The following PLXNA4 variants were observed in gnomAD, a reference collection of about 807,000 sequenced individuals.
The protein encoded by PLXNA4 is plexin-A4.
Under a neutral mutation model 191.8 loss-of-function variants are expected in PLXNA4, and 44 were observed. That is an observed-to-expected ratio of 0.23 (90% CI 0.18 to 0.29). The LOEUF is 0.29. PLXNA4 is among the 10% of genes least tolerant of loss of function. The pLI is 1.00. For synonymous variants in PLXNA4, 1,082 were observed against 1,009.5 expected (o/e 1.07, Z -1.36); for missense variants, 1,800 against 2,488.8 (o/e 0.72, Z 5.89).
intron 1 of PLXNA4, among the ~76,000 whole-genome samples, chr7:132,564,547 C>T (rs936616629): frequency 1.3e-5 from 2 of 152,134 alleles, no homozygotes; most frequent in Non-Finnish European, 2.9e-5. Flanking sequence ...TCTATTCCCA[C>T]GTATGTTGTG....
intron 20 of PLXNA4, among the ~76,000 whole-genome samples, chr7:132,176,103 G>C (rs1397524622): frequency 2.6e-5 from 4 of 152,152 alleles, no homozygotes; most frequent in Non-Finnish European, 5.9e-5. Context: ...GTTGGGTGGA[G>C]CTCCACCCAG....
intron 21 of PLXNA4, 30 bp from the exon 22 acceptor site, chr7:132,168,602 A>T (rs1796192137): frequency 6.5e-7 from 1 of 1,539,492 alleles, no homozygotes; most frequent in Non-Finnish European, 8.8e-7. Context: ...TCGTGATGCC[A>T]TTGGCAGGTT....
intron 3 of PLXNA4, among the ~76,000 whole-genome samples, chr7:132,459,077 A>G (rs1391802311): frequency 8.5e-5 from 13 of 152,260 alleles, no homozygotes; most frequent in Non-Finnish European, 1.9e-4. Flanking sequence ...ACGTAGACCT[A>G]GGTAAACCGT....
intron 3 of PLXNA4, among the ~76,000 whole-genome samples, chr7:132,473,366 TC>T (rs1168360731): frequency 5.3e-5 from 8 of 152,054 alleles, no homozygotes; most frequent in Non-Finnish European, 1.5e-5. Context: ...CCTCAGCGGC[TC>T]CCCCAGTGTT....
intron 3 of PLXNA4, among the ~76,000 whole-genome samples, chr7:132,444,001 C>T (rs1795797122): frequency 6.6e-6 from 1 of 152,198 alleles, no homozygotes; most frequent in South Asian, 2.1e-4. Flanking sequence ...GATCCCCCTG[C>T]CTTTGTTCTT....
chr7:132,287,802 G>C (rs1800739655), intron 4 of PLXNA4, among the ~76,000 whole-genome samples: 1 of 152,172 alleles, frequency 6.6e-6, no homozygotes, highest in Non-Finnish European at 1.5e-5. Flanking sequence ...TGTACCCCGG[G>C]ATGCCCTAGA....
At chr7:132,496,543 A>T (rs978202528) in intron 2 of PLXNA4, among the ~76,000 whole-genome samples, 2 of 152,030 alleles carry the variant, frequency 1.3e-5, no homozygotes, top group African/African-American at 4.8e-5. Context: ...CTGGGATTAC[A>T]GGCACCTGCC....
chr7:132,411,050 G>T (rs1192300535), intron 3 of PLXNA4, among the ~76,000 whole-genome samples: 2 of 152,190 alleles, frequency 1.3e-5, no homozygotes, highest in Non-Finnish European at 2.9e-5. Flanking sequence ...AGAAACATGA[G>T]GGTTTCAATG....
chr7:132,337,077 G>T (rs191806063), intron 3 of PLXNA4, among the ~76,000 whole-genome samples: 104 of 152,326 alleles, frequency 6.8e-4, no homozygotes, highest in Admixed American at 1.8e-3. Flanking sequence ...ATTTCACCGC[G>T]GTGTAATGTG....
chr7:132,146,794 G>A (rs1214566920), intron 27 of PLXNA4, 94 bp from the exon 28 acceptor site: 15 of 1,555,488 alleles, frequency 9.6e-6, no homozygotes, highest in South Asian at 2.5e-5. Context: ...AGAAGCCAAC[G>A]ACTGTCTGAT....
At chr7:132,400,019 A>G (rs1471256521) in intron 3 of PLXNA4, among the ~76,000 whole-genome samples, 2 of 152,154 alleles carry the variant, frequency 1.3e-5, no homozygotes, top group Non-Finnish European at 2.9e-5. Context: ...GGCATTTGTA[A>G]GTTGGAATAA....
rs768858436 is a variant in PLXNA4 at position 132,133,184 on chromosome 7, T to A, written c.5454A>T (p.Ile1818=). ...GGTCGCTGATGGCTGGCATCTTCCC[T>A]ATGTCTGAGTAATACCTGTGGAGGG... ...KNWVERYYSD[I]GKMPAISDQD... The change falls in exon 31 of 32, where the codon ATA becomes ATT. Residue 1818 remains isoleucine (I), a synonymous_variant. Transcript: ENST00000321063. 3.1e-6 allele frequency: 5 copies of A among 1,614,126 alleles called. No individual in the cohort carries two copies. The highest frequency in any genetic ancestry group is 4.2e-6 in the Non-Finnish European group (5 of 1,179,996).
At chr7:132,533,677 C>T (rs1426486) in intron 1 of PLXNA4, among the ~76,000 whole-genome samples, 48,570 of 152,136 alleles carry the variant, frequency 0.32, 7,913 homozygotes, top group South Asian at 0.35. Flanking sequence ...CAGTGGAAGC[C>T]GGGCTTCTTG....
intron 3 of PLXNA4, among the ~76,000 whole-genome samples, chr7:132,473,131 G>A (rs557998267): frequency 6.6e-6 from 1 of 152,274 alleles, no homozygotes; most frequent in Admixed American, 6.5e-5. Context: ...TGCAAAGGGG[G>A]GCAAGGATCC....
At position 132,576,385 on chromosome 7, in the gene PLXNA4, C is replaced by T. The variant is rs1483721844; in HGVS notation, c.-87+37G>A. ...TGTCCGACCTTGCTGCCCTCGCCGCCCGCCCGGCCCCACTCCCCGGCGGGC... is the reference window on the plus strand; with the variant it reads ...TGTCCGACCTTGCTGCCCTCGCCGCTCGCCCGGCCCCACTCCCCGGCGGGC... On this transcript the variant is annotated intron_variant, in intron 1 of 31. Coordinates refer to ENST00000321063, the MANE Select transcript of PLXNA4 (RefSeq NM_020911.2). This position sits in a 1 kb window ranked among gnomAD's most constrained non-coding sequence, Gnocchi z 5.8. 1.0e-6 allele frequency: 1 copy of T among 985,702 alleles called. No individual in the cohort carries two copies. The highest frequency in any genetic ancestry group is 6.1e-5 in the Admixed American group (1 of 16,266). 61.1% of individuals were successfully genotyped at this position (985,702 alleles called of 1,614,324 possible). A position where few individuals can be genotyped will look rare whatever the true frequency, so the allele number is the denominator to read the frequency against.
At chr7:132,332,752 C>G (rs1802642094) in intron 3 of PLXNA4, among the ~76,000 whole-genome samples, 1 of 151,504 alleles carries the variant, frequency 6.6e-6, no homozygotes, top group African/African-American at 2.4e-5. Context: ...CCCAGCTACT[C>G]AGGAGGCTGC....
chr7:132,492,336 C>T (rs1238317905), intron 2 of PLXNA4, among the ~76,000 whole-genome samples: 2 of 152,152 alleles, frequency 1.3e-5, no homozygotes, highest in African/African-American at 2.4e-5. Context: ...CTGGGCACGA[C>T]AGAAGGACAT....
In PLXNA4 at chr7:132,508,648, G is replaced by A; in HGVS notation, c.46C>T (p.Leu16Phe). ...WNWTCLLSHL[L>F]MVGMGSSTLL... ...GTGGAGGAGCCCATGCCCACCATGA[G>A]GAGGTGGGAGAGAAGGCAGGTCCAG... Residue 16 changes from leucine (L) to phenylalanine (F), a missense_variant, in exon 2 of 32, where the codon CTC (leucine) becomes TTC (phenylalanine). By Grantham distance (22) the Leu-to-Phe change is conservative. Around this residue, in one of 6 missense-constraint regions of PLXNA4, gnomAD observed 1,397 missense variants for 1,880.4 expected, o/e 0.74. Coordinates refer to ENST00000321063, the MANE Select transcript of PLXNA4 (RefSeq NM_020911.2). This position sits in a 1 kb window ranked among gnomAD's most constrained non-coding sequence, Gnocchi z 4.4. The A allele has an allele frequency of 1.3e-6, 2 of 1,585,042 alleles. No individual in the cohort carries two copies. The highest frequency in any genetic ancestry group is 2.3e-5 in the South Asian group (2 of 86,756).
intron 2 of PLXNA4, among the ~76,000 whole-genome samples, chr7:132,630,895 G>T (rs1027025564): frequency 1.3e-5 from 2 of 152,160 alleles, no homozygotes; most frequent in Non-Finnish European, 2.9e-5. Context: ...AGTTTACCTG[G>T]TATTCCTCAA....
Sources: gnomAD v4.1 joint callset for allele counts (sites outside exome capture counted in the v4.1 genomes callset) on GRCh38, gnomAD v4.1.1 for gene constraint, gnomAD v4.1.1 regional missense constraint, Gnocchi (gnomAD v3.1) non-coding constraint, MANE v1.5 for transcripts, NCBI Gene and HGNC (gene_info 2026-07-23, HGNC 2026-07-21) for gene names.